RGL3: variants seen among roughly 807,000 people sequenced by gnomAD.
RGL3 encodes ral guanine nucleotide dissociation stimulator-like 3.
In RGL3, 85 loss-of-function variants were observed where a neutral mutation model predicts 90.6. That is an observed-to-expected ratio of 0.94 (90% confidence interval 0.79 to 1.12). The LOEUF is 1.12. Ranked by LOEUF, RGL3 falls within the 50% of genes most tolerant of loss-of-function variation. The pLI, the probability that RGL3 is intolerant of heterozygous loss-of-function variation, is 0.00. For synonymous variants in RGL3, 408 were observed against 385.5 expected (o/e 1.06, Z -0.68); for missense variants, 1,034 against 939.2 (o/e 1.10, Z -1.32).
At chr19:11,413,246 A>AG (rs1304938659) in intron 5 of RGL3, among the ~76,000 whole-genome samples, 4 of 150,792 alleles carry the variant, frequency 2.7e-5, no homozygotes, top group Non-Finnish European at 5.9e-5. Context: ...AAAAAAAAAA[A>AG]AAAAGCGGGC....
chr19:11,406,657 G>A (rs547852343), intron 6 of RGL3, 23 bp from the exon 7 acceptor site: 1 of 1,589,884 alleles, frequency 6.3e-7, no homozygotes, highest in African/African-American at 1.3e-5. Flanking sequence ...AGGGGTGTGG[G>A]ATTGGTGCTT....
At chr19:11,399,998 G>A in intron 15 of RGL3, 42 bp downstream of exon 15, 1 of 1,595,808 alleles carries the variant, frequency 6.3e-7, no homozygotes, top group Non-Finnish European at 8.5e-7. Flanking sequence ...GCTGACTCCT[G>A]ATCCCATGAT....
intron 16 of RGL3, 165 bp from the exon 17 acceptor site, chr19:11,397,762 A>G: frequency 1.5e-6 from 1 of 682,100 alleles, no homozygotes; most frequent in Non-Finnish European, 2.2e-6. Flanking sequence ...TAATCTCAGC[A>G]TTTTGGGAGG....
chr19:11,399,624 G>A (rs1298524578), intron 16 of RGL3, among the ~76,000 whole-genome samples: 1 of 152,144 alleles, frequency 6.6e-6, no homozygotes, highest in East Asian at 1.9e-4. Flanking sequence ...TGGGCAAGCA[G>A]TTACACAGGT....
At chr19:11,397,634 C>T in intron 16 of RGL3, 37 bp from the exon 17 acceptor site, 1 of 1,488,544 alleles carries the variant, frequency 6.7e-7, no homozygotes, top group Non-Finnish European at 9.0e-7. Flanking sequence ...CAGCTTGGCC[C>T]ATCTGCAGAT....
chr19:11,402,832 G>C, intron 9 of RGL3, 126 bp from the exon 10 acceptor site: 1 of 806,144 alleles, frequency 1.2e-6, no homozygotes, highest in Non-Finnish European at 2.0e-6. Flanking sequence ...GGTAGGCCAG[G>C]TGCGATGGCT....
intron 5 of RGL3, among the ~76,000 whole-genome samples, chr19:11,413,642 C>G (rs959165379): frequency 1.3e-5 from 2 of 150,806 alleles, no homozygotes; most frequent in Admixed American, 6.6e-5. Context: ...CCCAGGAGTT[C>G]GAGACCAGCC....
At position 11,417,470 on chromosome 19, in the gene RGL3, C is replaced by CTTTT. The variant is rs66697430; in HGVS notation, c.148-415_148-412dup. ...CCACCGTGCCCAGCCCCTAGCACCA[C>CTTTT]TTTTTTTTTTTTTTTTTTGAGACAG... On this transcript the variant is annotated intron_variant, in intron 2 of 18. Transcript: ENST00000380456. Among the ~76,000 whole-genome samples the CTTTT allele has an allele frequency of 6.5e-3, 749 of 114,524 alleles. 30 individuals carry two copies. The highest frequency in any genetic ancestry group is 0.025 in the African/African-American group (719 of 28,970). The allele number at this position is 114,524 out of a possible 152,430, so 75.1% of individuals were successfully genotyped here. A position where few individuals can be genotyped will look rare whatever the true frequency, so the allele number is the denominator to read the frequency against.
chr19:11,408,484 G>A (rs985399996), intron 5 of RGL3, among the ~76,000 whole-genome samples: 1 of 151,992 alleles, frequency 6.6e-6, no homozygotes, highest in African/African-American at 2.4e-5. Flanking sequence ...TACTCGGGGG[G>A]CTGAGGCAGG....
intron 16 of RGL3, among the ~76,000 whole-genome samples, chr19:11,399,425 C>T (rs1484046218): frequency 6.6e-6 from 1 of 152,012 alleles, no homozygotes. Flanking sequence ...AATAGCAGGG[C>T]ATGGTGGTGC....
intron 5 of RGL3, among the ~76,000 whole-genome samples, chr19:11,409,787 C>T (rs910804127): frequency 1.3e-5 from 2 of 152,166 alleles, no homozygotes; most frequent in African/African-American, 4.8e-5. Context: ...TCTACTGTGA[C>T]GCTAGGACAG....
chr19:11,402,164 G>GGCCCC, intron 12 of RGL3, 32 bp from the exon 13 acceptor site: 1 of 1,585,726 alleles, frequency 6.3e-7, no homozygotes. Context: ...CCCTACCCCT[G>GGCCCC]CCCCACCCCC....
Position 11,396,156 on chromosome 19 carries a change from ATATTTTT to A in RGL3, c.2014+1081_2014+1087del, listed in dbSNP as rs1968567294. On this transcript the variant is annotated intron_variant, in intron 18 of 18. Coordinates refer to ENST00000380456, the MANE Select transcript of RGL3 (RefSeq NM_001035223.4). ...TCTCTCTATATATATATATATATAT[ATATTTTT>A]TTTTTTTTTTTTTTTTTTTTTTTGA... Among the ~76,000 whole-genome samples, 10 of 51,350 alleles carry A rather than the reference ATATTTTT, an allele frequency of 1.9e-4. 1 individual carries two copies. The highest frequency in any genetic ancestry group is 8.6e-4 in the African/African-American group (9 of 10,418). 33.7% of individuals were successfully genotyped at this position (51,350 alleles called of 152,430 possible).
At chr19:11,406,967 T>A in intron 5 of RGL3, 103 bp from the exon 6 acceptor site, 1 of 1,221,024 alleles carries the variant, frequency 8.2e-7, no homozygotes. Context: ...TTTCCTCATT[T>A]GTAAAACGGA....
At chr19:11,403,640 CAAAAA>C (rs889376839) in intron 9 of RGL3, among the ~76,000 whole-genome samples, 5 of 49,412 alleles carry the variant, frequency 1.0e-4, no homozygotes, top group African/African-American at 1.4e-4. Flanking sequence ...AACTCCATCT[CAAAAA>C]AAAAAAAAAA....
At position 11,397,525 on chromosome 19, in the gene RGL3, G is replaced by A. The variant is rs978938242; in HGVS notation, c.1819C>T (p.Pro607Ser). 12 of 1,613,168 alleles carry A rather than the reference G, an allele frequency of 7.4e-6. No homozygotes were observed. The African/African-American group carries it at 1.5e-4, about 20-fold the overall frequency. ...CGGGCCTCCGAGCTCTGCTGCGCCG[G>A]GAGGGGGATTCGAGGGCTGCCCAGA... ...LPLGSPRIPL[P>S]AQQSSEARVI... The change falls in exon 17 of 19, where the codon CCG becomes TCG. Residue 607 changes from proline to serine, a missense_variant. Transcript: ENST00000380456.
intron 16 of RGL3, among the ~76,000 whole-genome samples, chr19:11,399,057 C>G (rs958584054): frequency 6.6e-6 from 1 of 152,064 alleles, no homozygotes; most frequent in Non-Finnish European, 1.5e-5. Context: ...CAAACTCAAG[C>G]GATCCTTCCA....
intron 7 of RGL3, 123 bp downstream of exon 7, chr19:11,406,296 T>G: frequency 1.0e-6 from 1 of 959,088 alleles, no homozygotes; most frequent in Non-Finnish European, 1.5e-6. Context: ...TCACCCTAGG[T>G]ATCAACTTTC....
In RGL3 at chr19:11,394,152, A is replaced by T; in HGVS notation, c.*250T>A. The T allele has an allele frequency of 2.2e-6, 1 of 450,846 alleles. No homozygotes were observed. Among genetic ancestry groups the T allele is most frequent in the Non-Finnish European group, 4.1e-6 (1 of 245,560 alleles). 27.9% of individuals were successfully genotyped at this position (450,846 alleles called of 1,614,324 possible). Reference sequence around the variant, plus strand: ...ATTTCTCTGGGGAGGGATTTGACGTATCCATGCCCCACCTCTTTCTACATT... The same window carrying T: ...ATTTCTCTGGGGAGGGATTTGACGTTTCCATGCCCCACCTCTTTCTACATT... On this transcript the variant is annotated 3_prime_UTR_variant, in exon 19 of 19. Coordinates refer to ENST00000380456, the MANE Select transcript of RGL3 (RefSeq NM_001035223.4).
Sources: allele counts gnomAD v4.1 joint callset (sites outside exome capture counted in the v4.1 genomes callset), GRCh38; gene constraint gnomAD v4.1.1; transcripts MANE v1.5; gene names NCBI Gene and HGNC (gene_info 2026-07-23, HGNC 2026-07-21).